Variants in MX2 observed in about 807,000 individuals in gnomAD.
The protein encoded by MX2 is MX dynamin like GTPase 2.
Under a neutral mutation model 74.0 loss-of-function variants are expected in MX2, and 51 were observed. The observed-to-expected ratio is 0.69, with a 90% CI of 0.55 to 0.87. MX2 has a LOEUF of 0.87. Ranked by LOEUF, MX2 falls within the 40% of genes least tolerant of loss-of-function variation. The pLI is 0.00. For synonymous variants in MX2, 369 were observed against 339.3 expected, an observed-to-expected ratio of 1.09 and a Z score of -0.96; for missense variants, 832 against 908.7, an observed-to-expected ratio of 0.92 and a Z score of 1.09.
rs1470587695 is a variant in MX2, at chr21:41,380,064, T to G, written c.490T>G (p.Cys164Gly). 1 of 1,613,886 alleles carries G rather than the reference T, an allele frequency of 6.2e-7. No individual in the cohort carries two copies. Among genetic ancestry groups the G allele is most frequent in the Non-Finnish European group, 8.5e-7 (1 of 1,179,922 alleles). The change falls in exon 4 of 14, where the codon TGT becomes GGT. Residue 164 changes from cysteine (C) to glycine (G), a missense_variant. By Grantham distance (159) the Cys-to-Gly change is radical. Coordinates refer to ENST00000330714, the MANE Select transcript of MX2 (RefSeq NM_002463.2). The surrounding 1 kb of genome is among the most constrained non-coding windows in gnomAD (Gnocchi z 4.3). The stretch of plus-strand genomic sequence containing the variant: ...GGTGCTGAAACTGAAAAAGCAGCCC[T>G]GTGAGGCATGGGCCGGAAGGATCAG... ...PLVLKLKKQP[C>G]EAWAGRISYR...
intron 1 of MX2, chr21:41,370,761 C>G (rs1190724533): frequency 6.6e-6 from 1 of 152,130 alleles, no homozygotes; most frequent in South Asian, 2.1e-4. Flanking sequence ...CGCGGCCATG[C>G]GGGTTGTGTT....
In MX2 at chr21:41,377,099, T is replaced by C. The variant is rs902010059; in HGVS notation, c.193T>C (p.Phe65Leu). ...DAAFLAKDFN[F>L]LTLNNQPPPG... ...TGCTTTCCTCGCCAAGGACTTCAAC[T>C]TTCTCACTTTGAACAATCAGCCACC... The change falls in exon 2 of 14, where the codon TTT becomes CTT. Residue 65 changes from phenylalanine (F) to leucine (L), a missense_variant. By Grantham distance (22) the Phe-to-Leu change is conservative. Transcript: ENST00000330714. 1.2e-6 allele frequency: 2 copies of C among 1,614,082 alleles called. No homozygotes were observed. Among genetic ancestry groups the C allele is most frequent in the African/African-American group, 2.7e-5 (2 of 74,930 alleles).
intron 10 of MX2, 188 bp from the exon 11 acceptor site, chr21:41,401,782 C>T: frequency 1.8e-6 from 1 of 547,744 alleles, no homozygotes; most frequent in Non-Finnish European, 3.1e-6. Context: ...ATTTTTTTCC[C>T]CCAAAAGTCA....
chr21:41,375,115 A>C (rs2089382521), intron 1 of MX2, among the ~76,000 whole-genome samples: 1 of 152,126 alleles, frequency 6.6e-6, no homozygotes, highest in South Asian at 2.1e-4. Context: ...TCCTCTGCCC[A>C]TTCCCAGGCA....
In MX2 at chr21:41,402,305, A is replaced by T. The variant is rs1374649066; in HGVS notation, c.1573+177A>T. The T allele has an allele frequency of 3.0e-6, 2 of 657,128 alleles. No homozygotes were observed. The highest frequency in any genetic ancestry group is 7.2e-5 in the Admixed American group (2 of 27,896). The allele number at this position is 657,128 out of a possible 1,614,324, so 40.7% of individuals were successfully genotyped here. A position where few individuals can be genotyped will look rare whatever the true frequency, so the allele number is the denominator to read the frequency against. On this transcript the variant is annotated intron_variant, in intron 11 of 13. Transcript: ENST00000330714. This position sits in a 1 kb window ranked among gnomAD's most constrained non-coding sequence, Gnocchi z 4.5. ...GCCAGCAGCACTGGCAAGGCCTGAGAGCTGGTCAGAGCTACCGATTCTGCC... is the reference window on the plus strand; with the variant it reads ...GCCAGCAGCACTGGCAAGGCCTGAGTGCTGGTCAGAGCTACCGATTCTGCC...
intron 2 of MX2, 98 bp from the exon 3 acceptor site, chr21:41,377,691 A>C: frequency 7.5e-7 from 1 of 1,334,206 alleles, no homozygotes; most frequent in South Asian, 1.4e-5. Flanking sequence ...CTGCAACCCA[A>C]CCTAACATCA....
Position 41,382,539 on chromosome 21 carries a change from A to G in MX2, c.707A>G (p.Asn236Ser). 1 of 1,614,184 alleles carries G rather than the reference A, an allele frequency of 6.2e-7. No individual in the cohort carries two copies. The highest frequency in any genetic ancestry group is 8.5e-7 in the Non-Finnish European group (1 of 1,180,052). Reference protein sequence around the residue: ...LPGITRVAVDNQPRDIGLQIK... With the variant: ...LPGITRVAVDSQPRDIGLQIK... ...GGCATCACCAGGGTGGCTGTGGACAACCAGCCCCGAGACATCGGACTGCAG... is the reference window on the plus strand; with the variant it reads ...GGCATCACCAGGGTGGCTGTGGACAGCCAGCCCCGAGACATCGGACTGCAG... The change falls in exon 5 of 14, where the codon AAC (asparagine) becomes AGC (serine). Residue 236 changes from asparagine (N) to serine (S), a missense_variant. Asn to Ser is a conservative substitution (Grantham distance 46, BLOSUM62 1). Coordinates refer to ENST00000330714, the MANE Select transcript of MX2 (RefSeq NM_002463.2).
At chr21:41,371,064 C>T (rs990471290) in intron 1 of MX2, among the ~76,000 whole-genome samples, 1 of 152,156 alleles carries the variant, frequency 6.6e-6, no homozygotes, top group African/African-American at 2.4e-5. Context: ...AATTAGAAAA[C>T]GTGGTTGCAG....
Position 41,403,166 on chromosome 21 carries a change from T to A in MX2, c.1574-101T>A, listed in dbSNP as rs533344878. ...AACTCAGTCTCCTGGAATGGGTCAG[T>A]GTATCATCAGTCATCCTCCCTGTGT... On this transcript the variant is annotated intron_variant, in intron 11 of 13. Coordinates refer to ENST00000330714, the MANE Select transcript of MX2 (RefSeq NM_002463.2). 25 of 923,274 alleles carry A rather than the reference T, an allele frequency of 2.7e-5. No homozygotes were observed. The African/African-American group carries it at 3.1e-4, about 12-fold the overall frequency. 57.2% of individuals were successfully genotyped at this position (923,274 alleles called of 1,614,324 possible).
intron 1 of MX2, chr21:41,370,250 C>G (rs924695218): frequency 6.6e-6 from 1 of 152,308 alleles, no homozygotes; most frequent in Non-Finnish European, 1.5e-5. Flanking sequence ...GCGGCTCTAA[C>G]ACTTCCAGCA....
intron 1 of MX2, among the ~76,000 whole-genome samples, chr21:41,374,458 G>A (rs1466158093): frequency 6.6e-6 from 1 of 152,226 alleles, no homozygotes; most frequent in Non-Finnish European, 1.5e-5. Context: ...GTAGGGTCTG[G>A]GCTGGTGAGC....
intron 8 of MX2, among the ~76,000 whole-genome samples, chr21:41,397,941 A>C (rs940529996): frequency 6.6e-6 from 1 of 152,364 alleles, no homozygotes; most frequent in East Asian, 1.9e-4. Context: ...GAAACAGTTT[A>C]GCAATATAAA....
chr21:41,377,025 C>T lies in MX2; in HGVS notation c.119C>T (p.Pro40Leu), dbSNP rs139890954. Residue 40 changes from proline (P) to leucine (L), a missense_variant, in exon 2 of 14, where the codon CCA (proline) becomes CTA (leucine). Pro to Leu is a moderately conservative substitution (Grantham distance 98). Transcript: ENST00000330714. ...CAGCCACCGCCATTCGGCACAGTGC[C>T]ACCACAAATGATGTTTCCTCCAAAC... ...QQQPPPFGTV[P>L]PQMMFPPNWQ... 3.2e-4 allele frequency: 515 copies of T among 1,614,186 alleles called. 2 individuals carry two copies. The African/African-American group carries it at 5.1e-3, about 16-fold the overall frequency.
chr21:41,393,110 C>CAAAAAAAAAAAAAAAAAAAAAAG (rs373955778), intron 6 of MX2, among the ~76,000 whole-genome samples: 1 of 60,086 alleles, frequency 1.7e-5, no homozygotes, highest in African/African-American at 5.0e-5. Context: ...CTCAAAAAAG[C>CAAAAAAAAAAAAAAAAAAAAAAG]AAAAAAAAAA....
At chr21:41,398,200 T>A (rs1454868739) in intron 8 of MX2, among the ~76,000 whole-genome samples, 2 of 152,144 alleles carry the variant, frequency 1.3e-5, no homozygotes, top group African/African-American at 4.8e-5. Context: ...TCCCAGCTAC[T>A]GGGGAGGCTG....
chr21:41,364,735 G>A (rs1386016205), intron 1 of MX2: 1 of 152,160 alleles, frequency 6.6e-6, no homozygotes, highest in African/African-American at 2.4e-5. Flanking sequence ...AGGAGCAAGG[G>A]GAGCCAGTGT....
chr21:41,362,181 A>G (rs1413389617), intron 1 of MX2, 126 bp downstream of exon 1: 5 of 152,138 alleles, frequency 3.3e-5, no homozygotes, highest in African/African-American at 1.2e-4. Context: ...GGGAGGCAGG[A>G]GCCACAAAGA....
chr21:41,381,842 C>T (rs991741182), intron 4 of MX2, among the ~76,000 whole-genome samples: 3 of 152,168 alleles, frequency 2.0e-5, no homozygotes, highest in Non-Finnish European at 2.9e-5. Context: ...AAGCAGTTGG[C>T]AGGAGGCCAT....
intron 2 of MX2, 89 bp downstream of exon 2, chr21:41,377,244 C>G (rs1166127055): frequency 1.4e-5 from 21 of 1,540,704 alleles, no homozygotes; most frequent in Non-Finnish European, 1.8e-5. Context: ...ATAATAGAAC[C>G]AGCCAGTCTG....
Sources: allele counts gnomAD v4.1 joint callset (sites outside exome capture counted in the v4.1 genomes callset), GRCh38; gene constraint gnomAD v4.1.1; non-coding constraint Gnocchi (gnomAD v3.1); transcripts MANE v1.5; gene names NCBI Gene and HGNC (gene_info 2026-07-23, HGNC 2026-07-21).